The following HS3ST3A1 variants were observed in gnomAD, a reference collection of about 807,000 sequenced individuals.
HS3ST3A1 encodes heparan sulfate-glucosamine 3-sulfotransferase 3A1.
Under a neutral mutation model 25.7 loss-of-function variants are expected in HS3ST3A1, and 19 were observed. The observed-to-expected ratio is 0.74, with a 90% CI of 0.52 to 1.08. HS3ST3A1 has a LOEUF of 1.08. HS3ST3A1 is among the 50% of genes least tolerant of loss of function. The pLI is 0.00. For missense variants in HS3ST3A1, 459 were observed against 594.3 expected, an observed-to-expected ratio of 0.77 and a Z score of 2.37; for synonymous variants, 226 against 278.6, an observed-to-expected ratio of 0.81 and a Z score of 1.88.
At chr17:13,521,205 C>T (rs1280160935) in intron 1 of HS3ST3A1, among the ~76,000 whole-genome samples, 1 of 152,200 alleles carries the variant, frequency 6.6e-6, no homozygotes, top group Non-Finnish European at 1.5e-5. Flanking sequence ...GTTCTGCTTT[C>T]AGATCCTTTG....
At position 13,600,562 on chromosome 17, in the gene HS3ST3A1, G is replaced by A. The variant is rs78372491; in HGVS notation, c.568C>T (p.Arg190Cys). The A allele has an allele frequency of 5.6e-6, 9 of 1,601,956 alleles. No homozygotes were observed. The East Asian group carries it at 1.3e-4, about 24-fold the overall frequency. The change falls in exon 1 of 2, where the codon CGC becomes TGC. Residue 190 changes from arginine (R) to cysteine (C), a missense_variant. Coordinates refer to ENST00000284110, the MANE Select transcript of HS3ST3A1 (RefSeq NM_006042.3). Reference sequence around the variant, plus strand: ...CAGGCGAGGCCCTTGTCGTAGCTGCGGTCGAAGAAGTGGGGCTCGGCGCCC... The same window carrying A: ...CAGGCGAGGCCCTTGTCGTAGCTGCAGTCGAAGAAGTGGGGCTCGGCGCCC... The part of the protein sequence containing the change: ...AVGAEPHFFD[R>C]SYDKGLAWYR...
At chr17:13,552,877 T>C (rs1260342123) in intron 1 of HS3ST3A1, among the ~76,000 whole-genome samples, 1 of 152,144 alleles carries the variant, frequency 6.6e-6, no homozygotes, top group Non-Finnish European at 1.5e-5. Flanking sequence ...ATTGGAGCCT[T>C]GAATAAATCA....
At position 13,545,670 on chromosome 17, in the gene HS3ST3A1, T is replaced by C. The variant is rs560277694; in HGVS notation, c.600-48852A>G. ...TCCCGGGAGAAACCTCCGTTGCTCA[T>C]GTCTGCATCACTCAGTACATCCAGC... On this transcript the variant is annotated intron_variant, in intron 1 of 1. Transcript: ENST00000284110. Among the ~76,000 whole-genome samples the C allele has an allele frequency of 1.1e-4, 16 of 152,320 alleles. No homozygotes were observed. In the South Asian group the frequency reaches 3.3e-3, roughly 32 times the overall value.
intron 1 of HS3ST3A1, among the ~76,000 whole-genome samples, chr17:13,564,497 A>G (rs55734141): frequency 0.018 from 2,700 of 152,234 alleles, 93 homozygotes; most frequent in African/African-American, 0.062. Context: ...TAACCTACAC[A>G]CATCCTCCTG....
At position 13,585,445 on chromosome 17, in the gene HS3ST3A1, C is replaced by T. The variant is rs1416431232; in HGVS notation, c.599+15086G>A. On this transcript the variant is annotated intron_variant, in intron 1 of 1. Transcript: ENST00000284110. ...AAACTCCTGACCTCAGGTGATCCACCCGCCTCAGCCTCCCAAAGTGCTGAG... is the reference window on the plus strand; with the variant it reads ...AAACTCCTGACCTCAGGTGATCCACTCGCCTCAGCCTCCCAAAGTGCTGAG... Among the ~76,000 whole-genome samples, 7 of 151,538 alleles carry T rather than the reference C, an allele frequency of 4.6e-5. No individual in the cohort carries two copies. The East Asian group carries it at 1.2e-3, about 25-fold the overall frequency.
chr17:13,584,319 C>T (rs1476920321), intron 1 of HS3ST3A1, among the ~76,000 whole-genome samples: 5 of 151,704 alleles, frequency 3.3e-5, no homozygotes, highest in African/African-American at 9.7e-5. Context: ...CCAAAATGTT[C>T]ACGAAAATTA....
rs777634775 is a variant in HS3ST3A1 at position 13,600,950 on chromosome 17, G to A, written c.180C>T (p.Gly60=). 6.5e-6 allele frequency: 10 copies of A among 1,536,606 alleles called. No homozygotes were observed. The highest frequency in any genetic ancestry group is 8.8e-6 in the Non-Finnish European group (10 of 1,141,754). Residue 60 remains glycine, a synonymous_variant, in exon 1 of 2, where the codon GGC becomes GGT. Transcript: ENST00000284110. ...CGCCACCAGGGGCCCCCGCCTCCTC[G>A]CCGCCGCCGGACAGCCCCACGACGG... ...SGPVVGLSGG[G]EEAGAPGGGV...
intron 1 of HS3ST3A1, 61 bp from the exon 2 acceptor site, chr17:13,496,879 T>A: frequency 6.4e-7 from 1 of 1,566,200 alleles, no homozygotes; most frequent in Non-Finnish European, 8.7e-7. Flanking sequence ...CAGGAGAGAC[T>A]GTCAAGTACA....
Position 13,545,924 on chromosome 17 carries a change from C to A in HS3ST3A1, c.600-49106G>T, listed in dbSNP as rs368836894. Among the ~76,000 whole-genome samples the A allele has an allele frequency of 6.4e-4, 97 of 152,184 alleles. No homozygotes were observed. The Middle Eastern group carries it at 0.01, about 16-fold the overall frequency. On this transcript the variant is annotated intron_variant, in intron 1 of 1. Transcript: ENST00000284110. The stretch of plus-strand genomic sequence containing the variant: ...CCCAGGAAGCAGAGGCTGCGGTGAA[C>A]CGAGATTGTGTCACTGCACTCCAGC...
intron 1 of HS3ST3A1, among the ~76,000 whole-genome samples, chr17:13,498,476 T>C (rs1052341734): frequency 1.3e-5 from 2 of 152,186 alleles, no homozygotes; most frequent in Non-Finnish European, 2.9e-5. Context: ...AAGCCAGCCA[T>C]AAAACCTAAA....
intron 1 of HS3ST3A1, among the ~76,000 whole-genome samples, chr17:13,596,693 C>T (rs1376520101): frequency 6.6e-6 from 1 of 152,116 alleles, no homozygotes; most frequent in Non-Finnish European, 1.5e-5. Flanking sequence ...GGACAGAGCG[C>T]CCTTGGCCAT....
At chr17:13,575,753 A>C (rs935250962) in intron 1 of HS3ST3A1, among the ~76,000 whole-genome samples, 1 of 152,258 alleles carries the variant, frequency 6.6e-6, no homozygotes, top group Non-Finnish European at 1.5e-5. Flanking sequence ...AGAAGCCTCA[A>C]AAATAACCAT....
chr17:13,579,825 G>C (rs1187755044), intron 1 of HS3ST3A1, among the ~76,000 whole-genome samples: 1 of 149,146 alleles, frequency 6.7e-6, no homozygotes, highest in South Asian at 2.1e-4. Flanking sequence ...ACAAAAATTA[G>C]TGGGGCCGTG....
chr17:13,554,105 G>A (rs1265247331), intron 1 of HS3ST3A1, among the ~76,000 whole-genome samples: 1 of 152,168 alleles, frequency 6.6e-6, no homozygotes, highest in Non-Finnish European at 1.5e-5. Context: ...GAAGGAAAAA[G>A]AGCATTTTTG....
chr17:13,510,465 G>C (rs960251920), intron 1 of HS3ST3A1, among the ~76,000 whole-genome samples: 9 of 152,154 alleles, frequency 5.9e-5, no homozygotes, highest in Non-Finnish European at 1.2e-4. Context: ...GTCATATTTT[G>C]GCGATGGTGG....
In HS3ST3A1 at chr17:13,600,885, G is replaced by C. The variant is rs1180386998; in HGVS notation, c.245C>G (p.Pro82Arg). 1.4e-6 allele frequency: 2 copies of C among 1,477,760 alleles called. No homozygotes were observed. Among genetic ancestry groups the C allele is most frequent in the Non-Finnish European group, 1.8e-6 (2 of 1,121,506 alleles). 91.5% of individuals were successfully genotyped at this position (1,477,760 alleles called of 1,614,324 possible). Residue 82 changes from proline to arginine, a missense_variant, in exon 1 of 2, where the codon CCG becomes CGG. Coordinates refer to ENST00000284110, the MANE Select transcript of HS3ST3A1 (RefSeq NM_006042.3). ...GAGGCGCTTTCTCTGTGCCGCCGCC[G>C]GCCACACCGCCAGCTCCCTCGGGCC... is the stretch of plus-strand genomic sequence containing the variant. Reference protein sequence around the residue: ...AGGPRELAVWPAAAQRKRLLQ... With the variant: ...AGGPRELAVWRAAAQRKRLLQ...
chr17:13,517,484 AAAGCTTCAC>A (rs1312170183), intron 1 of HS3ST3A1, among the ~76,000 whole-genome samples: 6 of 152,206 alleles, frequency 3.9e-5, no homozygotes, highest in African/African-American at 1.4e-4. Flanking sequence ...GAATTTAGAA[AAAGCTTCAC>A]AAATACAGAA....
At chr17:13,548,496 C>A (rs1054198974) in intron 1 of HS3ST3A1, among the ~76,000 whole-genome samples, 2 of 152,158 alleles carry the variant, frequency 1.3e-5, no homozygotes, top group African/African-American at 4.8e-5. Context: ...TCCATTATAT[C>A]CACCATGTGT....
At chr17:13,550,990 C>T (rs1218936565) in intron 1 of HS3ST3A1, among the ~76,000 whole-genome samples, 2 of 150,174 alleles carry the variant, frequency 1.3e-5, no homozygotes, top group African/African-American at 4.9e-5. Context: ...TGGCATGAAC[C>T]CGGGAGGCGA....
Sources: gnomAD v4.1 joint callset for allele counts (sites outside exome capture counted in the v4.1 genomes callset) on GRCh38, gnomAD v4.1.1 for gene constraint, MANE v1.5 for transcripts, NCBI Gene and HGNC (gene_info 2026-07-23, HGNC 2026-07-21) for gene names.